Variants in DAB1 observed in about 807,000 individuals in gnomAD.
The protein encoded by DAB1 is disabled homolog 1.
In DAB1, 15 loss-of-function variants were observed where a neutral mutation model predicts 64.6. The ratio of observed to expected loss-of-function variants is 0.23; its 90% CI spans 0.16 to 0.36. The LOEUF is 0.36. Ranked by LOEUF, DAB1 falls within the 10% of genes least tolerant of loss-of-function variation. The probability of loss-of-function intolerance (pLI) is 1.00; values close to 1 mark genes in which losing one functional copy is unlikely to be tolerated. For synonymous variants in DAB1, 235 were observed against 251.9 expected, an observed-to-expected ratio of 0.93 and a Z score of 0.64; for missense variants, 596 against 706.7, an observed-to-expected ratio of 0.84 and a Z score of 1.78.
intron 14 of DAB1, among the ~76,000 whole-genome samples, chr1:57,006,993 TCCTTTTCTTC>T (rs1229948523): frequency 2.6e-5 from 4 of 152,102 alleles, no homozygotes; most frequent in Non-Finnish European, 5.9e-5. Flanking sequence ...TTCCTTTCTT[TCCTTTTCTTC>T]CCTTCCCTCC....
At chr1:57,772,179 C>T (rs769947847) in intron 6 of DAB1, among the ~76,000 whole-genome samples, 4 of 152,074 alleles carry the variant, frequency 2.6e-5, no homozygotes, top group Admixed American at 6.6e-5. Context: ...GGGCAGCCCC[C>T]TCTTGTGCTC....
chr1:58,296,030 T>C (rs1340172253), intron 4 of DAB1, among the ~76,000 whole-genome samples: 6 of 140,354 alleles, frequency 4.3e-5, no homozygotes, highest in Non-Finnish European at 7.7e-5. Flanking sequence ...GAGGTGGAGG[T>C]TGGAGTGAGC....
chr1:58,235,485 C>A (rs532681368), intron 4 of DAB1, among the ~76,000 whole-genome samples: 2 of 152,180 alleles, frequency 1.3e-5, no homozygotes, highest in Non-Finnish European at 2.9e-5. Flanking sequence ...GATACACATT[C>A]TCTTTTAGAC....
intron 4 of DAB1, among the ~76,000 whole-genome samples, chr1:57,073,025 T>A (rs1246404548): frequency 1.3e-5 from 2 of 152,218 alleles, no homozygotes; most frequent in Admixed American, 1.3e-4. Context: ...CAACTCTTTT[T>A]ATCCACTTGC....
intron 2 of DAB1, among the ~76,000 whole-genome samples, chr1:57,287,852 A>G (rs898069740): frequency 3.3e-5 from 5 of 151,396 alleles, no homozygotes; most frequent in Admixed American, 2.0e-4. Flanking sequence ...CTGGAGGGCA[A>G]TGAAGCCATC....
At chr1:57,184,516 T>G (rs748933277) in intron 2 of DAB1, among the ~76,000 whole-genome samples, 1 of 152,172 alleles carries the variant, frequency 6.6e-6, no homozygotes, top group African/African-American at 2.4e-5. Flanking sequence ...ATCCTTAACC[T>G]GGCAAACCCT....
At chr1:58,328,204 C>T (rs1260712037) in intron 4 of DAB1, among the ~76,000 whole-genome samples, 1 of 152,152 alleles carries the variant, frequency 6.6e-6, no homozygotes, top group Non-Finnish European at 1.5e-5. Flanking sequence ...ACATCTTGCA[C>T]CCTGCAATTC....
chr1:57,142,619 C>T (rs954223162), intron 3 of DAB1, among the ~76,000 whole-genome samples: 44 of 150,424 alleles, frequency 2.9e-4, no homozygotes, highest in African/African-American at 1.1e-3. Flanking sequence ...CACACACACA[C>T]ACACACACAC....
intron 7 of DAB1, among the ~76,000 whole-genome samples, chr1:57,543,376 C>A (rs1644823983): frequency 6.6e-6 from 1 of 152,076 alleles, no homozygotes; most frequent in Non-Finnish European, 1.5e-5. Context: ...GAGTGATATA[C>A]CAGAGATCAA....
At chr1:57,393,360 G>A (rs780898259) in intron 1 of DAB1, among the ~76,000 whole-genome samples, 1 of 152,070 alleles carries the variant, frequency 6.6e-6, no homozygotes, top group Non-Finnish European at 1.5e-5. Context: ...AGCATTTCAG[G>A]AACTGCCCGT....
At chr1:57,949,986 G>T (rs1645248292) in intron 5 of DAB1, among the ~76,000 whole-genome samples, 1 of 152,148 alleles carries the variant, frequency 6.6e-6, no homozygotes, top group South Asian at 2.1e-4. Flanking sequence ...GTTGTCCCAA[G>T]GTTGTTGAGC....
intron 3 of DAB1, among the ~76,000 whole-genome samples, chr1:58,436,513 C>T (rs948990056): frequency 6.6e-6 from 1 of 151,962 alleles, no homozygotes; most frequent in African/African-American, 2.4e-5. Context: ...GTATCATTCC[C>T]CACCTCTCAC....
chr1:57,132,448 A>G (rs1258038706), intron 4 of DAB1, among the ~76,000 whole-genome samples: 1 of 152,140 alleles, frequency 6.6e-6, no homozygotes, highest in Admixed American at 6.5e-5. Context: ...TGCACATGGC[A>G]TAGAGTAGGG....
intron 3 of DAB1, among the ~76,000 whole-genome samples, chr1:58,444,793 G>C (rs1440449073): frequency 3.9e-5 from 6 of 152,082 alleles, no homozygotes; most frequent in Non-Finnish European, 7.4e-5. Context: ...ATGGAAAGGG[G>C]CTTTCTTAGA....
rs937307271 is a variant in DAB1 at position 57,218,770 on chromosome 1, C to G, written c.67+72194G>C. Among the ~76,000 whole-genome samples the G allele has an allele frequency of 2.0e-5, 3 of 152,078 alleles. No homozygotes were observed. In the East Asian group the frequency reaches 5.8e-4, roughly 29 times the overall value. On this transcript the variant is annotated intron_variant, in intron 2 of 14. Coordinates refer to ENST00000371236, the MANE Select transcript of DAB1 (RefSeq NM_001365792.1). ...AAGTAACTAAGTGTCCTCAAGAGAG[C>G]TGGGTGCAAAAGTAGGTGGCAGATG...
chr1:57,981,456 T>G (rs564496495), intron 5 of DAB1, among the ~76,000 whole-genome samples: 2 of 152,240 alleles, frequency 1.3e-5, no homozygotes, highest in South Asian at 4.1e-4. Context: ...AATAAATTAA[T>G]GATCAGTGAA....
intron 4 of DAB1, among the ~76,000 whole-genome samples, chr1:58,298,689 C>G (rs1008629592): frequency 6.6e-6 from 1 of 152,192 alleles, no homozygotes; most frequent in African/African-American, 2.4e-5. Flanking sequence ...AGAACTGAGC[C>G]AAACAAATGC....
intron 7 of DAB1, among the ~76,000 whole-genome samples, chr1:57,499,502 T>C (rs1157761986): frequency 6.6e-6 from 1 of 152,140 alleles, no homozygotes; most frequent in Admixed American, 6.5e-5. Context: ...ACTTTTGAGA[T>C]TGGTGGTCAT....
intron 4 of DAB1, among the ~76,000 whole-genome samples, chr1:58,159,848 G>C (rs1655426573): frequency 6.6e-6 from 1 of 152,200 alleles, no homozygotes; most frequent in African/African-American, 2.4e-5. Flanking sequence ...ACCAAGGTCA[G>C]TTGTCCATGA....
Sources: allele counts gnomAD v4.1 joint callset (sites outside exome capture counted in the v4.1 genomes callset), GRCh38; gene constraint gnomAD v4.1.1; transcripts MANE v1.5; gene names NCBI Gene and HGNC (gene_info 2026-07-23, HGNC 2026-07-21).